SHANK1: variants seen among roughly 807,000 people sequenced by gnomAD.
The protein encoded by SHANK1 is SH3 and multiple ankyrin repeat domains 1, also known as SH3 and multiple ankyrin repeat domains protein 1.
A neutral mutation model predicts 165.6 loss-of-function variants in SHANK1; 35 were observed. The observed-to-expected ratio is 0.21, with a 90% confidence interval of 0.16 to 0.28. SHANK1 has a LOEUF of 0.28. Ranked by LOEUF, SHANK1 falls within the 10% of genes least tolerant of loss-of-function variation. The probability of loss-of-function intolerance (pLI) is 1.00; values close to 1 mark genes in which losing one functional copy is unlikely to be tolerated. For synonymous variants in SHANK1, 1,428 were observed against 1,384.8 expected (o/e 1.03, Z -0.69); for missense variants, 2,681 against 3,036.4 (o/e 0.88, Z 2.75).
In SHANK1 at chr19:50,686,204, C is replaced by CCTGGCAGTTCCTCCCCA. The variant is rs1986327833; in HGVS notation, c.2577+16_2577+32dup. 7.6e-7 allele frequency: 1 copy of CCTGGCAGTTCCTCCCCA among 1,319,008 alleles called. No individual in the cohort carries two copies. Among genetic ancestry groups the CCTGGCAGTTCCTCCCCA allele is most frequent in the African/African-American group, 1.5e-5 (1 of 67,564 alleles). The allele number at this position is 1,319,008 out of a possible 1,614,324, so 81.7% of individuals were successfully genotyped here. Reference sequence around the variant, plus strand: ...AGGTTGGTGTGTGAACCGCCTCCCCCCTGGCAGTTCCTCCCCACACCAGGC... The same window carrying CCTGGCAGTTCCTCCCCA: ...AGGTTGGTGTGTGAACCGCCTCCCCCCTGGCAGTTCCTCCCCACTGGCAGTTCCTCCCCACACCAGGC... On this transcript the variant is annotated intron_variant, in intron 21 of 23. Coordinates refer to ENST00000293441, the MANE Select transcript of SHANK1 (RefSeq NM_016148.5). The surrounding 1 kb of genome is among the most constrained non-coding windows in gnomAD (Gnocchi z 5.7).
chr19:50,696,718 G>A (rs373027637), intron 15 of SHANK1, among the ~76,000 whole-genome samples: 3 of 151,930 alleles, frequency 2.0e-5, no homozygotes, highest in Non-Finnish European at 2.9e-5. Context: ...GAGTACACAC[G>A]CACAGTGACA....
intron 23 of SHANK1, among the ~76,000 whole-genome samples, chr19:50,664,916 G>A (rs898370636): frequency 1.4e-4 from 21 of 152,072 alleles, no homozygotes; most frequent in African/African-American, 4.8e-4. Flanking sequence ...CACCATGACC[G>A]GCTAATTTTT....
chr19:50,661,910 G>A lies in SHANK1; in HGVS notation c.*55C>T. On this transcript the variant is annotated 3_prime_UTR_variant, in exon 24 of 24. Transcript: ENST00000293441. ...ATGACAGTCAGGGGTCAGAGGTCAAGAGGCCAGCAGGCTCAAGAGTTCTGT... is the reference window on the plus strand; with the variant it reads ...ATGACAGTCAGGGGTCAGAGGTCAAAAGGCCAGCAGGCTCAAGAGTTCTGT... 1 of 1,594,158 alleles carries A rather than the reference G, an allele frequency of 6.3e-7. No individual in the cohort carries two copies. Among genetic ancestry groups the A allele is most frequent in the East Asian group, 2.2e-5 (1 of 44,722 alleles).
Position 50,666,993 on chromosome 19 carries a change from G to A in SHANK1, c.4967C>T (p.Pro1656Leu), listed in dbSNP as rs372108024. 33 of 1,570,774 alleles carry A rather than the reference G, an allele frequency of 2.1e-5. No homozygotes were observed. The highest frequency in any genetic ancestry group is 3.5e-5 in the South Asian group (3 of 84,732). The change falls in exon 23 of 24, where the codon CCG becomes CTG. Residue 1656 changes from proline (P) to leucine (L), a missense_variant. Coordinates refer to ENST00000293441, the MANE Select transcript of SHANK1 (RefSeq NM_016148.5). Reference sequence around the variant, plus strand: ...GCCAGGCTGTGGGGCAGCGGGAGCCGGTGCTGCTGGGGCAGGCGGGCCTGG... The same window carrying A: ...GCCAGGCTGTGGGGCAGCGGGAGCCAGTGCTGCTGGGGCAGGCGGGCCTGG... ...HPPGPPAPAA[P>L]APAAPQPGPD...
chr19:50,693,569 T>C (rs1986613682), intron 15 of SHANK1, among the ~76,000 whole-genome samples: 1 of 151,416 alleles, frequency 6.6e-6, no homozygotes, highest in Non-Finnish European at 1.5e-5. Flanking sequence ...CGGCCTGCAC[T>C]CCCCTCCCCA....
intron 15 of SHANK1, among the ~76,000 whole-genome samples, chr19:50,694,846 C>T (rs1392439515): frequency 6.7e-6 from 1 of 149,826 alleles, no homozygotes; most frequent in Non-Finnish European, 1.5e-5. Flanking sequence ...AGGGTCGCCA[C>T]CGCGGGCCGG....
At chr19:50,681,719 CAG>C (rs945826030) in intron 21 of SHANK1, among the ~76,000 whole-genome samples, 1 of 152,186 alleles carries the variant, frequency 6.6e-6, no homozygotes, top group Non-Finnish European at 1.5e-5. Flanking sequence ...GAGGCATACA[CAG>C]AGATCACTGG....
chr19:50,662,147 CGA>C lies in SHANK1; in HGVS notation c.6302_6303del (p.Phe2101Ter). On this transcript the variant is annotated frameshift_variant, in exon 24 of 24. Transcript: ENST00000293441. LOFTEE classifies it high-confidence loss of function. The surrounding 1 kb of genome is among the most constrained non-coding windows in gnomAD (Gnocchi z 7.7). Reference protein sequence around the residue: ...GAKPLGFWTKFDVADWLEWLG... With the variant: ...GAKPLGFWTKXDVADWLEWLG... ...AGCCACTCCAGCCAATCAGCCACGT[CGA>C]ACTTGGTCCAGAACCCCAGAGGTTT... 6.2e-7 allele frequency: 1 copy of C among 1,613,542 alleles called. No individual in the cohort carries two copies. The highest frequency in any genetic ancestry group is 1.7e-5 in the Admixed American group (1 of 60,008).
In SHANK1 at chr19:50,698,134, C is replaced by T. The variant is rs563354612; in HGVS notation, c.1748-178G>A. Among the ~76,000 whole-genome samples, 4 of 152,304 alleles carry T rather than the reference C, an allele frequency of 2.6e-5. No homozygotes were observed. The East Asian group carries it at 7.7e-4, about 29-fold the overall frequency. Reference sequence around the variant, plus strand: ...GGAGACCCATATCATATCACTCTTGCATTCTAGTTTCTGGATCCAATAAGG... The same window carrying T: ...GGAGACCCATATCATATCACTCTTGTATTCTAGTTTCTGGATCCAATAAGG... On this transcript the variant is annotated intron_variant, in intron 12 of 23. Transcript: ENST00000293441.
chr19:50,704,036 G>C, intron 10 of SHANK1, 84 bp downstream of exon 10: 3 of 1,411,922 alleles, frequency 2.1e-6, no homozygotes, highest in Non-Finnish European at 1.0e-6. Flanking sequence ...TGGCCCCCAA[G>C]TCAGGTCCCC....
chr19:50,698,045 G>T, intron 12 of SHANK1, 89 bp from the exon 13 acceptor site: 1 of 935,174 alleles, frequency 1.1e-6, no homozygotes, highest in Non-Finnish European at 1.7e-6. Flanking sequence ...CATTCCCACA[G>T]TTACCAGCTC....
rs1387481331 is a variant in SHANK1 at position 50,669,223 on chromosome 19, A to G, written c.2737T>C (p.Ser913Pro). Residue 913 changes from serine (S) to proline (P), a missense_variant, in exon 23 of 24, where the codon TCT becomes CCT. Coordinates refer to ENST00000293441, the MANE Select transcript of SHANK1 (RefSeq NM_016148.5). Reference protein sequence around the residue: ...PPAMKFSRSLSVPGSEDIPPP... With the variant: ...PPAMKFSRSLPVPGSEDIPPP... ...GGAATGTCCTCCGAACCAGGCACAG[A>G]CAGGCTGCGGCTGAATTTCATGGCT... 6.2e-7 allele frequency: 1 copy of G among 1,611,838 alleles called. No homozygotes were observed.
rs1306387499 is a variant in SHANK1, at chr19:50,718,772, G to A, written c.-44+634C>T. On this transcript the variant is annotated intron_variant, in intron 1 of 23. Transcript: ENST00000293441. This position sits in a 1 kb window ranked among gnomAD's most constrained non-coding sequence, Gnocchi z 5.1. The stretch of plus-strand genomic sequence containing the variant: ...GGCGGGGAGAGAGAGCCGGAGCCGA[G>A]GCTGGGAAACTGGTGGGGGAGAACC... Among the ~76,000 whole-genome samples the A allele has an allele frequency of 6.7e-6, 1 of 148,734 alleles. No individual in the cohort carries two copies. Among genetic ancestry groups the A allele is most frequent in the Non-Finnish European group, 1.5e-5 (1 of 66,780 alleles).
intron 12 of SHANK1, among the ~76,000 whole-genome samples, chr19:50,699,149 AAG>A (rs1986828254): frequency 1.3e-5 from 2 of 152,182 alleles, no homozygotes; most frequent in Admixed American, 1.3e-4. Flanking sequence ...AAAGTCATGG[AAG>A]AGAGCAGGAG....
chr19:50,701,669 C>T (rs778014657), intron 12 of SHANK1, among the ~76,000 whole-genome samples: 13 of 152,136 alleles, frequency 8.5e-5, no homozygotes, highest in Non-Finnish European at 1.2e-4. Context: ...TGGATTTGAA[C>T]CCAGGCTGCC....
chr19:50,714,113 G>A (rs2089041401), intron 5 of SHANK1, 69 bp downstream of exon 5: 13 of 1,542,634 alleles, frequency 8.4e-6, no homozygotes, highest in African/African-American at 1.4e-5. Context: ...GGATGTGAAT[G>A]CAGATGGCAC....
At chr19:50,687,468 A>G in intron 19 of SHANK1, 114 bp downstream of exon 19, 1 of 769,968 alleles carries the variant, frequency 1.3e-6, no homozygotes, top group South Asian at 1.9e-5. Flanking sequence ...GACTGGGGAC[A>G]GGATGAGGAC....
In SHANK1 at chr19:50,662,399, A is replaced by G; in HGVS notation, c.6052T>C (p.Ser2018Pro). The G allele has an allele frequency of 6.4e-7, 1 of 1,569,568 alleles. No individual in the cohort carries two copies. Among genetic ancestry groups the G allele is most frequent in the Non-Finnish European group, 8.6e-7 (1 of 1,156,906 alleles). ...CCGGAAGGCAGGATGGGCAGGGACG[A>G]GGGCCTGGGCGCAGGGCTGACCTTG... ...EHKVSPAPRP[S>P]SLPILPSGPL... Residue 2018 changes from serine (S) to proline (P), a missense_variant, in exon 24 of 24, where the codon TCG becomes CCG. By Grantham distance (74) the Ser-to-Pro change is moderately conservative. Around this residue, in one of 10 missense-constraint regions of SHANK1, gnomAD observed 1,713 missense variants for 1,630.2 expected, o/e 1.05. Transcript: ENST00000293441. The surrounding 1 kb of genome is among the most constrained non-coding windows in gnomAD (Gnocchi z 7.7).
intron 15 of SHANK1, 143 bp downstream of exon 15, chr19:50,696,953 A>T (rs928708686): frequency 6.9e-6 from 5 of 726,586 alleles, no homozygotes; most frequent in Non-Finnish European, 1.2e-5. Flanking sequence ...ATGCACACAG[A>T]TGCGTGTCAT....
Sources: gnomAD v4.1 joint callset for allele counts (sites outside exome capture counted in the v4.1 genomes callset) on GRCh38, gnomAD v4.1.1 for gene constraint, gnomAD v4.1.1 regional missense constraint, Gnocchi (gnomAD v3.1) non-coding constraint, MANE v1.5 for transcripts, NCBI Gene and HGNC (gene_info 2026-07-23, HGNC 2026-07-21) for gene names.